The following RANBP17 variants were observed in gnomAD, a reference collection of about 807,000 sequenced individuals.
RANBP17 encodes ran-binding protein 17.
RANBP17 carries 158 observed loss-of-function variants against 141.2 expected under a neutral mutation model. The observed-to-expected ratio is 1.12, with a 90% CI of 0.98 to 1.28. The LOEUF (loss-of-function observed/expected upper bound fraction) is 1.28. RANBP17 is among the 50% of genes most tolerant of loss of function. The pLI, the probability that RANBP17 is intolerant of heterozygous loss-of-function variation, is 0.00. For missense variants in RANBP17, 1,438 were observed against 1,290.7 expected (o/e 1.11, Z -1.75); for synonymous variants, 430 against 450.0 (o/e 0.96, Z 0.56).
intron 20 of RANBP17, chr5:171,206,057 C>A: frequency 3.5e-6 from 1 of 283,612 alleles, no homozygotes; most frequent in South Asian, 3.5e-5. Flanking sequence ...AATGAATGGA[C>A]ATGGAAAGGG....
chr5:170,975,185 TTTA>T (rs1432700763), intron 14 of RANBP17, among the ~76,000 whole-genome samples: 1 of 152,198 alleles, frequency 6.6e-6, no homozygotes, highest in Non-Finnish European at 1.5e-5. Flanking sequence ...CTTCTCACAT[TTTA>T]TTATTATAAA....
chr5:171,093,105 G>A (rs964811286), intron 14 of RANBP17, among the ~76,000 whole-genome samples: 1 of 151,828 alleles, frequency 6.6e-6, no homozygotes, highest in African/African-American at 2.4e-5. Context: ...AGCTACTTGG[G>A]AGGCTAAGGC....
At chr5:171,247,656 A>C (rs1013826509) in intron 24 of RANBP17, among the ~76,000 whole-genome samples, 1 of 152,028 alleles carries the variant, frequency 6.6e-6, no homozygotes, top group South Asian at 2.1e-4. Flanking sequence ...CCAACCCGCA[A>C]CTCTTATGCA....
chr5:171,253,525 C>T (rs1765705250), intron 24 of RANBP17, among the ~76,000 whole-genome samples: 1 of 152,112 alleles, frequency 6.6e-6, no homozygotes, highest in African/African-American at 2.4e-5. Context: ...GTCAGGAAGA[C>T]AAAGATGTTT....
intron 25 of RANBP17, among the ~76,000 whole-genome samples, chr5:171,268,772 C>T (rs1341811197): frequency 6.6e-6 from 1 of 152,180 alleles, no homozygotes; most frequent in Admixed American, 6.5e-5. Context: ...ACCATAATCA[C>T]AGTATTGTCC....
At chr5:171,206,441 T>C (rs1762584756) in intron 20 of RANBP17, 1 of 153,852 alleles carries the variant, frequency 6.5e-6, no homozygotes, top group African/African-American at 2.4e-5. Flanking sequence ...GTATGACTTA[T>C]GTTTGATCCC....
chr5:171,248,095 G>T (rs986016636), intron 24 of RANBP17, among the ~76,000 whole-genome samples: 1 of 152,156 alleles, frequency 6.6e-6, no homozygotes, highest in Non-Finnish European at 1.5e-5. Flanking sequence ...GGCTGGGCGC[G>T]TTGGCTAACG....
At chr5:170,968,772 A>T (rs1309693739) in intron 14 of RANBP17, 1 of 453,270 alleles carries the variant, frequency 2.2e-6, no homozygotes. Flanking sequence ...TGGCATTTGT[A>T]CATGATTAAA....
At chr5:171,289,032 C>G (rs1218705256) in intron 25 of RANBP17, among the ~76,000 whole-genome samples, 4 of 152,202 alleles carry the variant, frequency 2.6e-5, no homozygotes, top group African/African-American at 9.7e-5. Context: ...AGTGCCCTTT[C>G]AACTCTTTAG....
intron 5 of RANBP17, among the ~76,000 whole-genome samples, chr5:170,900,335 A>G (rs1271804656): frequency 3.4e-4 from 51 of 152,024 alleles, no homozygotes; most frequent in Admixed American, 3.3e-3. Flanking sequence ...GGTAGTTTGT[A>G]TTTCCGTGGG....
At chr5:171,009,393 T>C (rs1779873577) in intron 14 of RANBP17, among the ~76,000 whole-genome samples, 1 of 152,164 alleles carries the variant, frequency 6.6e-6, no homozygotes, top group Non-Finnish European at 1.5e-5. Flanking sequence ...ATCTAAATCT[T>C]AGATTTACTT....
chr5:170,921,548 T>C lies in RANBP17; in HGVS notation c.1274+1935T>C, dbSNP rs531933076. Among the ~76,000 whole-genome samples the C allele has an allele frequency of 1.2e-4, 19 of 152,296 alleles. 1 individual carries two copies. In the South Asian group the frequency reaches 3.9e-3, roughly 32 times the overall value. On this transcript the variant is annotated intron_variant, in intron 11 of 27. Transcript: ENST00000523189. ...ATGCCTCCAGCTTTGTTCTTTTTGCTTAGGATTGTCTTGGCTATACGGGCT... is the reference window on the plus strand; with the variant it reads ...ATGCCTCCAGCTTTGTTCTTTTTGCCTAGGATTGTCTTGGCTATACGGGCT...
intron 25 of RANBP17, among the ~76,000 whole-genome samples, chr5:171,289,759 G>T (rs1768374593): frequency 6.6e-6 from 1 of 152,160 alleles, no homozygotes; most frequent in South Asian, 2.1e-4. Flanking sequence ...GCTAGGTGCA[G>T]TGGCTCACGC....
intron 14 of RANBP17, among the ~76,000 whole-genome samples, chr5:171,155,213 G>A (rs1198260902): frequency 4.7e-5 from 7 of 148,664 alleles, no homozygotes; most frequent in South Asian, 4.2e-4. Context: ...CATTCTTAGC[G>A]ATGCAAGAGG....
intron 14 of RANBP17, among the ~76,000 whole-genome samples, chr5:171,003,946 A>G (rs1779401973): frequency 6.6e-6 from 1 of 152,242 alleles, no homozygotes; most frequent in Admixed American, 6.5e-5. Context: ...GTTGGGCACC[A>G]CAGGGTGGAT....
intron 5 of RANBP17, chr5:170,897,468 A>G: frequency 2.8e-6 from 1 of 361,888 alleles, no homozygotes; most frequent in Non-Finnish European, 5.3e-6. Context: ...CAGGTTTGTT[A>G]CATAGGTATA....
At chr5:171,010,597 C>T (rs1323268140) in intron 14 of RANBP17, among the ~76,000 whole-genome samples, 2 of 152,090 alleles carry the variant, frequency 1.3e-5, no homozygotes, top group Non-Finnish European at 2.9e-5. Context: ...CAGCAGTTCA[C>T]TCAGATGCTG....
chr5:171,191,400 G>T (rs577346437), intron 18 of RANBP17, among the ~76,000 whole-genome samples: 1 of 152,194 alleles, frequency 6.6e-6, no homozygotes, highest in East Asian at 1.9e-4. Flanking sequence ...GAAAACTGAG[G>T]TTCAGAGGCC....
intron 24 of RANBP17, among the ~76,000 whole-genome samples, chr5:171,261,991 A>G (rs370292550): frequency 4.6e-5 from 7 of 152,208 alleles, no homozygotes; most frequent in Non-Finnish European, 1.0e-4. Flanking sequence ...TAAATCAACC[A>G]TAATGGAAGC....
Sources: gnomAD v4.1 joint callset for allele counts (sites outside exome capture counted in the v4.1 genomes callset) on GRCh38, gnomAD v4.1.1 for gene constraint, MANE v1.5 for transcripts, NCBI Gene and HGNC (gene_info 2026-07-23, HGNC 2026-07-21) for gene names.